The following POC1B variants were observed in gnomAD, a reference collection of about 807,000 sequenced individuals.
The protein encoded by POC1B is POC1 centriolar protein B.
POC1B carries 44 observed loss-of-function variants against 60.6 expected under a neutral mutation model. The observed-to-expected ratio is 0.73, with a 90% CI of 0.57 to 0.93. The LOEUF (loss-of-function observed/expected upper bound fraction) is 0.93. Among genes scored for constraint, POC1B ranks in the 40% least tolerant of loss-of-function variants. POC1B has a pLI of 0.00. For missense variants in POC1B, 555 were observed against 572.3 expected (o/e 0.97, Z 0.31); for synonymous variants, 180 against 198.9 (o/e 0.90, Z 0.80).
rs1326789206 is a variant in POC1B, at chr12:89,449,327, C to A, written c.1113+10311G>T. On this transcript the variant is annotated intron_variant, in intron 10 of 11. Transcript: ENST00000313546. ...TTTAGTAGTATGTGAAAAATGGTGG[C>A]TATTTTTATGGGAACCACAGGCATG... Among the ~76,000 whole-genome samples the A allele has an allele frequency of 2.0e-5, 3 of 152,108 alleles. No individual in the cohort carries two copies. In the East Asian group the frequency reaches 5.8e-4, roughly 29 times the overall value.
chr12:89,418,934 C>T (rs1880420100), downstream of POC1B, among the ~76,000 whole-genome samples: 1 of 152,152 alleles, frequency 6.6e-6, no homozygotes, highest in African/African-American at 2.4e-5. Flanking sequence ...TGTAGTCTTC[C>T]AGCCAAGAGA....
intron 10 of POC1B, among the ~76,000 whole-genome samples, chr12:89,434,605 A>C (rs1881172993): frequency 6.6e-6 from 1 of 152,192 alleles, no homozygotes; most frequent in Non-Finnish European, 1.5e-5. Flanking sequence ...CACCAGATGG[A>C]TCTTAATTAA....
downstream of POC1B, among the ~76,000 whole-genome samples, chr12:89,418,552 T>G (rs1194176963): frequency 6.6e-6 from 1 of 152,196 alleles, no homozygotes; most frequent in Non-Finnish European, 1.5e-5. Flanking sequence ...TGTTGAAATC[T>G]GATCCCTACT....
chr12:89,451,899 A>C (rs1882056924), intron 10 of POC1B, among the ~76,000 whole-genome samples: 1 of 152,230 alleles, frequency 6.6e-6, no homozygotes, highest in African/African-American at 2.4e-5. Flanking sequence ...GTGAAGCTCC[A>C]ACAGCCCCAC....
intron 4 of POC1B, among the ~76,000 whole-genome samples, chr12:89,477,876 A>G (rs1883179716): frequency 6.6e-6 from 1 of 151,920 alleles, no homozygotes; most frequent in African/African-American, 2.4e-5. Context: ...ACCTTCTCTT[A>G]GGTCCCTTGC....
intron 2 of POC1B, among the ~76,000 whole-genome samples, chr12:89,514,555 C>T (rs1870358469): frequency 6.6e-6 from 1 of 151,608 alleles, no homozygotes; most frequent in Non-Finnish European, 1.5e-5. Flanking sequence ...ACTACAGGCG[C>T]CTGCCACCAC....
At position 89,525,907 on chromosome 12, in the gene POC1B, T is replaced by C; in HGVS notation, c.-12A>G. 2.0e-6 allele frequency: 3 copies of C among 1,481,844 alleles called. No individual in the cohort carries two copies. The highest frequency in any genetic ancestry group is 2.7e-6 in the Non-Finnish European group (3 of 1,109,606). The allele number at this position is 1,481,844 out of a possible 1,614,324, so 91.8% of individuals were successfully genotyped here. On this transcript the variant is annotated 5_prime_UTR_variant, in exon 1 of 12. Transcript: ENST00000313546. ...GTGGCTGAGGCCATCGGGGGAGTGG[T>C]CGGCCCAAGGCTCCTGTGGGTGGGG...
At chr12:89,440,809 G>A (rs1042696742) in intron 10 of POC1B, among the ~76,000 whole-genome samples, 5 of 152,242 alleles carry the variant, frequency 3.3e-5, no homozygotes, top group Admixed American at 2.0e-4. Flanking sequence ...ATGAGCCGAA[G>A]CAGGGCGGGG....
chr12:89,504,467 C>CGGAA (rs1869795147), intron 2 of POC1B, among the ~76,000 whole-genome samples: 1 of 152,108 alleles, frequency 6.6e-6, no homozygotes, highest in African/African-American at 2.4e-5. Context: ...ACAAACACTG[C>CGGAA]GGAAGGCCGC....
chr12:89,499,908 G>A (rs1322078045), intron 2 of POC1B, among the ~76,000 whole-genome samples: 1 of 152,248 alleles, frequency 6.6e-6, no homozygotes, highest in African/African-American at 2.4e-5. Flanking sequence ...GCCAATGGCC[G>A]GGAAGTGTTG....
intron 10 of POC1B, among the ~76,000 whole-genome samples, chr12:89,434,308 T>C (rs868282216): frequency 2.6e-5 from 4 of 152,234 alleles, no homozygotes; most frequent in African/African-American, 7.2e-5. Context: ...AAATATACCA[T>C]GTAGCTATCA....
chr12:89,476,539 C>G (rs564373869), intron 4 of POC1B, among the ~76,000 whole-genome samples: 9 of 152,172 alleles, frequency 5.9e-5, no homozygotes, highest in African/African-American at 1.9e-4. Flanking sequence ...GAATCCCCAT[C>G]TCTGCTAAAA....
intron 10 of POC1B, among the ~76,000 whole-genome samples, chr12:89,439,895 G>C (rs887153736): frequency 6.6e-6 from 1 of 152,166 alleles, no homozygotes; most frequent in African/African-American, 2.4e-5. Flanking sequence ...ATGAGCCACT[G>C]TGCCCGGCCT....
At chr12:89,406,599 C>G in the POC1B span, among the ~76,000 whole-genome samples, 1 of 152,012 alleles carries the variant, frequency 6.6e-6, no homozygotes, top group Non-Finnish European at 1.5e-5. Flanking sequence ...TCCATTTCCT[C>G]AAAATAAATA....
rs141543185 is a variant in POC1B, at chr12:89,466,812, T to C, written c.990A>G (p.Pro330=). The change falls in exon 9 of 12, where the codon CCA becomes CCG. Residue 330 remains proline (P), a synonymous_variant. Coordinates refer to ENST00000313546, the MANE Select transcript of POC1B (RefSeq NM_172240.3). ...TTTCCTCATGGGGATGTGGTGTTCT[T>C]GGGTAGATATCAAGAAGATGTGGTG... ...DSPPHLLDIY[P]RTPHPHEEKV... The C allele has an allele frequency of 1.1e-4, 180 of 1,613,254 alleles. 1 individual carries two copies. The African/African-American group carries it at 2.2e-3, about 20-fold the overall frequency.
At chr12:89,498,637 G>A (rs1401528562) in intron 2 of POC1B, among the ~76,000 whole-genome samples, 1 of 152,100 alleles carries the variant, frequency 6.6e-6, no homozygotes, top group Non-Finnish European at 1.5e-5. Flanking sequence ...CTACAATACT[G>A]CTTAGCACCC....
intron 4 of POC1B, among the ~76,000 whole-genome samples, chr12:89,478,782 AC>A (rs1488381526): frequency 1.3e-5 from 2 of 152,212 alleles, no homozygotes; most frequent in African/African-American, 2.4e-5. Flanking sequence ...TCAAAAGATC[AC>A]TTTGTAATCC....
chr12:89,470,376 T>C lies in POC1B; in HGVS notation c.795A>G (p.Thr265=). Residue 265 remains threonine, a synonymous_variant, in exon 7 of 12, where the codon ACA becomes ACG. Transcript: ENST00000313546. The part of the protein sequence containing the change: ...LDLLEGRLIY[T]LQGHTGPVFT... ...GTGTTAATACCGTATGTCCTTGAAG[T>C]GTATAGATGAGCCTTCCTTCTAAGA... The C allele has an allele frequency of 6.4e-7, 1 of 1,551,558 alleles. No homozygotes were observed. The highest frequency in any genetic ancestry group is 8.8e-7 in the Non-Finnish European group (1 of 1,137,246).
In POC1B at chr12:89,526,006, G is replaced by A; in HGVS notation, c.-111C>T. 6.5e-7 allele frequency: 1 copy of A among 1,540,910 alleles called. No homozygotes were observed. Among genetic ancestry groups the A allele is most frequent in the Non-Finnish European group, 8.7e-7 (1 of 1,145,940 alleles). On this transcript the variant is annotated 5_prime_UTR_variant, in exon 1 of 12. Transcript: ENST00000313546. Reference sequence around the variant, plus strand: ...CGGCTCCCGGAACCGTCTGCCCAGAGCGGCAGCGCCTCCCGGTCACTACAA... The same window carrying A: ...CGGCTCCCGGAACCGTCTGCCCAGAACGGCAGCGCCTCCCGGTCACTACAA...
Sources: allele counts gnomAD v4.1 joint callset (sites outside exome capture counted in the v4.1 genomes callset), GRCh38; gene constraint gnomAD v4.1.1; transcripts MANE v1.5; gene names NCBI Gene and HGNC (gene_info 2026-07-23, HGNC 2026-07-21).